The following RUNX3 variants were observed in gnomAD, a reference collection of about 807,000 sequenced individuals.
RUNX3 encodes the protein RUNX family transcription factor 3.
RUNX3 carries 10 observed loss-of-function variants against 27.7 expected under a neutral mutation model. The observed-to-expected ratio is 0.36, with a 90% CI of 0.22 to 0.61. The LOEUF (loss-of-function observed/expected upper bound fraction) is 0.61. Ranked by LOEUF, RUNX3 falls within the 20% of genes least tolerant of loss-of-function variation. The probability of loss-of-function intolerance (pLI) is 0.72; values close to 1 mark genes in which losing one functional copy is unlikely to be tolerated. For missense variants in RUNX3, 469 were observed against 629.5 expected (o/e 0.75, Z 2.73); for synonymous variants, 270 against 269.2 (o/e 1.00, Z -0.03).
In RUNX3 at chr1:24,916,786, C is replaced by T. The variant is rs1444827519; in HGVS notation, c.544+2454G>A. Among the ~76,000 whole-genome samples, 1 of 152,148 alleles carries T rather than the reference C, an allele frequency of 6.6e-6. No homozygotes were observed. The highest frequency in any genetic ancestry group is 1.5e-5 in the Non-Finnish European group (1 of 68,020). On this transcript the variant is annotated intron_variant, in intron 3 of 4. Coordinates refer to ENST00000308873, the MANE Select transcript of RUNX3 (RefSeq NM_004350.3). This position sits in a 1 kb window ranked among gnomAD's most constrained non-coding sequence, Gnocchi z 4.8. Reference sequence around the variant, plus strand: ...CTGTTCTGTAAATAAAACCACTGATCCAGCCGCTGCCGGGGCCCAGAGAGG... The same window carrying T: ...CTGTTCTGTAAATAAAACCACTGATTCAGCCGCTGCCGGGGCCCAGAGAGG...
At chr1:24,939,414 T>A (rs1641423391) in intron 2 of RUNX3, among the ~76,000 whole-genome samples, 1 of 152,236 alleles carries the variant, frequency 6.6e-6, no homozygotes, top group Non-Finnish European at 1.5e-5. Flanking sequence ...GTCTGCATCA[T>A]CATGCATGGA....
In RUNX3 at chr1:24,929,309, C is replaced by G. The variant is rs951349955; in HGVS notation, c.282+278G>C. 45 of 667,820 alleles carry G rather than the reference C, an allele frequency of 6.7e-5. No individual in the cohort carries two copies. The African/African-American group carries it at 7.4e-4, about 11-fold the overall frequency. 41.4% of individuals were successfully genotyped at this position (667,820 alleles called of 1,614,324 possible). A position where few individuals can be genotyped will look rare whatever the true frequency, so the allele number is the denominator to read the frequency against. On this transcript the variant is annotated intron_variant, in intron 1 of 4. Transcript: ENST00000308873. ...ATCCGGGTTAGGGGGGCGCAAAACC[C>G]CATCCGCCCATTTCCGCACCAACGT... is the stretch of plus-strand genomic sequence containing the variant.
chr1:24,922,903 TA>T lies in RUNX3; in HGVS notation c.440-3560del, dbSNP rs375615145. 2.6e-3 allele frequency among the ~76,000 whole-genome samples: 402 copies of T among 152,186 alleles called. 1 individual carries two copies. The highest frequency in any genetic ancestry group is 9.4e-3 in the African/African-American group (388 of 41,494). Reference sequence around the variant, plus strand: ...AATTTTCTCACAATGCATATGCTTTTAATAATCCATCTACTCATTTTGTCTC... The same window carrying T: ...AATTTTCTCACAATGCATATGCTTTTATAATCCATCTACTCATTTTGTCTC... On this transcript the variant is annotated intron_variant, in intron 2 of 4. Coordinates refer to ENST00000308873, the MANE Select transcript of RUNX3 (RefSeq NM_004350.3).
chr1:24,943,505 G>A lies in RUNX3; in HGVS notation c.59-13653C>T, dbSNP rs1448920718. On this transcript the variant is annotated intron_variant, in intron 2 of 6. Transcript: ENST00000338888. This position sits in a 1 kb window ranked among gnomAD's most constrained non-coding sequence, Gnocchi z 4.6. ...GTGATCATCCCCACTTACAGTTGGG[G>A]AAACTGAGGCTCGGCAAGGTTAAGT... Among the ~76,000 whole-genome samples, 2 of 152,196 alleles carry A rather than the reference G, an allele frequency of 1.3e-5. No individual in the cohort carries two copies. Among genetic ancestry groups the A allele is most frequent in the Non-Finnish European group, 2.9e-5 (2 of 68,026 alleles).
chr1:24,953,072 A>G (rs1261493262), intron 2 of RUNX3, among the ~76,000 whole-genome samples: 34 of 152,322 alleles, frequency 2.2e-4, no homozygotes, highest in Non-Finnish European at 5.9e-5. Flanking sequence ...TTTGAGTTGA[A>G]AAATGAAAAA....
chr1:24,950,346 T>C (rs1037857049), intron 2 of RUNX3, among the ~76,000 whole-genome samples: 2 of 152,166 alleles, frequency 1.3e-5, no homozygotes. Flanking sequence ...CTCCTCCCCA[T>C]GCCTGCCTCA....
intron 2 of RUNX3, among the ~76,000 whole-genome samples, chr1:24,944,475 C>G (rs1641556467): frequency 6.6e-6 from 1 of 152,212 alleles, no homozygotes; most frequent in African/African-American, 2.4e-5. Flanking sequence ...TGTCCACATC[C>G]TAATCCCCAA....
At chr1:24,949,375 C>T (rs1268033326) in intron 2 of RUNX3, among the ~76,000 whole-genome samples, 2 of 152,198 alleles carry the variant, frequency 1.3e-5, no homozygotes, top group African/African-American at 2.4e-5. Flanking sequence ...GCCCCGCCCC[C>T]CGTGAGCAGA....
intron 4 of RUNX3, among the ~76,000 whole-genome samples, chr1:24,906,627 G>A (rs1039234025): frequency 2.6e-5 from 4 of 152,168 alleles, no homozygotes; most frequent in Admixed American, 6.5e-5. Flanking sequence ...TGCTGTATCC[G>A]TCTAGGCAGT....
intron 1 of RUNX3, chr1:24,928,820 C>T: frequency 2.9e-6 from 1 of 343,852 alleles, no homozygotes; most frequent in Non-Finnish European, 5.7e-6. Flanking sequence ...CTTCCAGCCA[C>T]CTCGGGCAGC....
chr1:24,951,704 C>T (rs1370027419), intron 2 of RUNX3, among the ~76,000 whole-genome samples: 1 of 152,198 alleles, frequency 6.6e-6, no homozygotes, highest in Non-Finnish European at 1.5e-5. Context: ...AGGAAACGTC[C>T]ATTAATTCAT....
chr1:24,953,227 T>C (rs1238716638), intron 2 of RUNX3, among the ~76,000 whole-genome samples: 1 of 151,798 alleles, frequency 6.6e-6, no homozygotes, highest in African/African-American at 2.4e-5. Flanking sequence ...TAGCCAGGCG[T>C]AGTGGCGGGC....
intron 2 of RUNX3, among the ~76,000 whole-genome samples, chr1:24,939,374 T>C (rs1033335281): frequency 1.3e-5 from 2 of 152,374 alleles, no homozygotes; most frequent in African/African-American, 4.8e-5. Context: ...AGTGCAGGTG[T>C]GTGCAAAGAT....
exon 2 of RUNX3, chr1:24,964,585 G>A: frequency 6.2e-7 from 1 of 1,606,388 alleles, no homozygotes; most frequent in Non-Finnish European, 8.5e-7. Context: ...CCGCTCTGAA[G>A]AAGGCGAGAA....
chr1:24,920,081 T>A (rs1198880080), intron 2 of RUNX3, among the ~76,000 whole-genome samples: 1 of 152,188 alleles, frequency 6.6e-6, no homozygotes, highest in Non-Finnish European at 1.5e-5. Flanking sequence ...GAAAAAGGAC[T>A]GATTTGGGAG....
intron 2 of RUNX3, among the ~76,000 whole-genome samples, chr1:24,955,918 T>G (rs1641908949): frequency 6.6e-6 from 1 of 152,248 alleles, no homozygotes; most frequent in Non-Finnish European, 1.5e-5. Flanking sequence ...GTTCATTGAA[T>G]GAATCAGCAG....
intron 3 of RUNX3, among the ~76,000 whole-genome samples, chr1:24,912,809 A>G (rs1258024162): frequency 4.6e-5 from 7 of 151,714 alleles, no homozygotes; most frequent in Admixed American, 1.3e-4. Context: ...ATTGTGGCGG[A>G]AGAGGGCGGG....
chr1:24,951,319 C>T (rs1351055461), intron 2 of RUNX3, among the ~76,000 whole-genome samples: 1 of 152,072 alleles, frequency 6.6e-6, no homozygotes. Flanking sequence ...GGGGTGCTCT[C>T]TGAGCTCAGC....
rs369097981 is a variant in RUNX3 at position 24,929,293 on chromosome 1, A to AG, written c.282+293dup. 173 of 643,796 alleles carry AG rather than the reference A, an allele frequency of 2.7e-4. 1 individual carries two copies. Among genetic ancestry groups the AG allele is most frequent in the African/African-American group, 2.4e-3 (137 of 56,088 alleles). The allele number at this position is 643,796 out of a possible 1,614,324, so 39.9% of individuals were successfully genotyped here. A position where few individuals can be genotyped will look rare whatever the true frequency, so the allele number is the denominator to read the frequency against. ...GGGCTGTATCTGAGCGATCCGGGTT[A>AG]GGGGGGCGCAAAACCCCATCCGCCC... On this transcript the variant is annotated intron_variant, in intron 1 of 4. Transcript: ENST00000308873.
Sources: gnomAD v4.1 joint callset for allele counts (sites outside exome capture counted in the v4.1 genomes callset) on GRCh38, gnomAD v4.1.1 for gene constraint, Gnocchi (gnomAD v3.1) non-coding constraint, MANE v1.5 for transcripts, NCBI Gene and HGNC (gene_info 2026-07-23, HGNC 2026-07-21) for gene names.